GRID2: variants seen among roughly 807,000 people sequenced by gnomAD.
GRID2 encodes the protein glutamate ionotropic receptor delta type subunit 2.
GRID2 carries 33 observed loss-of-function variants against 114.8 expected under a neutral mutation model. The observed-to-expected ratio is 0.29, with a 90% CI of 0.22 to 0.38. The LOEUF is 0.38. Among genes scored for constraint, GRID2 ranks in the 10% least tolerant of loss-of-function variants. The pLI, the probability that GRID2 is intolerant of heterozygous loss-of-function variation, is 1.00. For synonymous variants in GRID2, 505 were observed against 449.9 expected, an observed-to-expected ratio of 1.12 and a Z score of -1.55; for missense variants, 1,184 against 1,257.7, an observed-to-expected ratio of 0.94 and a Z score of 0.89.
At chr4:92,949,057 A>G (rs2149131208) in intron 2 of GRID2, among the ~76,000 whole-genome samples, 1 of 151,872 alleles carries the variant, frequency 6.6e-6, no homozygotes, top group Non-Finnish European at 1.5e-5. Flanking sequence ...TATCAGTCCT[A>G]TAAGCATGTA....
intron 1 of GRID2, among the ~76,000 whole-genome samples, chr4:92,423,213 A>G (rs1299898427): frequency 6.6e-6 from 1 of 152,202 alleles, no homozygotes; most frequent in Non-Finnish European, 1.5e-5. Context: ...AGGTAGAGCT[A>G]TATAGTAAGA....
intron 8 of GRID2, among the ~76,000 whole-genome samples, chr4:93,270,642 T>G (rs78424659): frequency 0.11 from 16,918 of 152,014 alleles, 1,937 homozygotes; most frequent in East Asian, 0.28. Context: ...GTTTTGTTTT[T>G]TTTTGAGGTG....
intron 13 of GRID2, among the ~76,000 whole-genome samples, chr4:93,550,997 A>G (rs1036029931): frequency 6.6e-6 from 1 of 152,178 alleles, no homozygotes; most frequent in Non-Finnish European, 1.5e-5. Context: ...ACTACTATTT[A>G]CTAGTCTGTG....
chr4:92,612,070 A>AT (rs201411256), intron 2 of GRID2, among the ~76,000 whole-genome samples: 1 of 150,912 alleles, frequency 6.6e-6, no homozygotes, highest in Non-Finnish European at 1.5e-5. Flanking sequence ...GGTCATTAAG[A>AT]TTTTTTTTCA....
intron 2 of GRID2, among the ~76,000 whole-genome samples, chr4:93,030,816 G>A (rs1201841195): frequency 6.6e-6 from 1 of 151,854 alleles, no homozygotes; most frequent in African/African-American, 2.4e-5. Flanking sequence ...GACAGAGGAA[G>A]GGGATGAGAC....
At chr4:93,704,350 T>A (rs552392712) in intron 14 of GRID2, among the ~76,000 whole-genome samples, 22 of 152,296 alleles carry the variant, frequency 1.4e-4, no homozygotes, top group South Asian at 1.0e-3. Context: ...GTTGTTTGTT[T>A]TTTTCTTGTA....
At chr4:92,824,833 A>G (rs947539854) in intron 2 of GRID2, among the ~76,000 whole-genome samples, 2 of 152,168 alleles carry the variant, frequency 1.3e-5, no homozygotes, top group Admixed American at 1.3e-4. Context: ...AGGAAAACCC[A>G]TGAAGTGCTC....
intron 13 of GRID2, among the ~76,000 whole-genome samples, chr4:93,572,965 T>C (rs188238125): frequency 1.4e-4 from 21 of 152,124 alleles, no homozygotes; most frequent in African/African-American, 5.1e-4. Flanking sequence ...ATATAAGTAG[T>C]ACATCATTTC....
intron 13 of GRID2, among the ~76,000 whole-genome samples, chr4:93,548,366 C>T (rs551926792): frequency 2.4e-4 from 36 of 152,248 alleles, no homozygotes; most frequent in Admixed American, 3.9e-4. Context: ...ACGGAAATAG[C>T]ACCGGACAGG....
chr4:93,603,420 A>T (rs1739898734), intron 13 of GRID2, among the ~76,000 whole-genome samples: 1 of 152,154 alleles, frequency 6.6e-6, no homozygotes, highest in South Asian at 2.1e-4. Context: ...AATTTAGAAG[A>T]TAAGAGCTTG....
chr4:92,936,247 G>C (rs1317644390), intron 2 of GRID2, among the ~76,000 whole-genome samples: 1 of 146,040 alleles, frequency 6.8e-6, no homozygotes, highest in Non-Finnish European at 1.5e-5. Flanking sequence ...TTGACTAATA[G>C]TTCAATTAAT....
At chr4:93,414,706 T>TATATATA (rs1560595949) in intron 9 of GRID2, among the ~76,000 whole-genome samples, 1 of 149,616 alleles carries the variant, frequency 6.7e-6, no homozygotes, top group African/African-American at 2.5e-5. Flanking sequence ...TATATATATA[T>TATATATA]TTCCTTTTTT....
chr4:92,711,728 C>A (rs954323442), intron 2 of GRID2, among the ~76,000 whole-genome samples: 52 of 152,152 alleles, frequency 3.4e-4, no homozygotes, highest in African/African-American at 1.2e-3. Context: ...CATAGTAAAA[C>A]TCTGTCTTTA....
intron 8 of GRID2, among the ~76,000 whole-genome samples, chr4:93,333,872 TA>T (rs11326600): frequency 0.25 from 38,429 of 151,192 alleles, 8,159 homozygotes; most frequent in African/African-American, 0.58. Context: ...AAGGAGAACC[TA>T]AAAAAAAATG....
At chr4:92,442,698 C>A (rs560600800) in intron 1 of GRID2, among the ~76,000 whole-genome samples, 3 of 151,708 alleles carry the variant, frequency 2.0e-5, no homozygotes, top group African/African-American at 4.9e-5. Flanking sequence ...GCCTTTTGAC[C>A]TTTTAGGGTC....
At chr4:93,497,102 G>A (rs1414131101) in intron 12 of GRID2, among the ~76,000 whole-genome samples, 1 of 151,358 alleles carries the variant, frequency 6.6e-6, no homozygotes, top group Non-Finnish European at 1.5e-5. Context: ...TCTCATTGTG[G>A]TTTTAATTTC....
chr4:92,481,767 G>A (rs889092114), intron 1 of GRID2, among the ~76,000 whole-genome samples: 9 of 151,472 alleles, frequency 5.9e-5, no homozygotes, highest in African/African-American at 2.2e-4. Flanking sequence ...CATAAGAATA[G>A]CACAGAATCT....
At chr4:93,030,507 C>A (rs1724308851) in intron 2 of GRID2, among the ~76,000 whole-genome samples, 1 of 151,884 alleles carries the variant, frequency 6.6e-6, no homozygotes, top group Admixed American at 6.6e-5. Flanking sequence ...GCCCCAGCCT[C>A]TGGAGTAGCA....
chr4:93,788,703 T>C (rs140844708), intron 1 of GRID2, among the ~76,000 whole-genome samples: 126 of 152,312 alleles, frequency 8.3e-4, no homozygotes, highest in African/African-American at 2.9e-3. Flanking sequence ...GTAATTAATC[T>C]AAGGGTCTCC....
Sources: allele counts gnomAD v4.1 joint callset (sites outside exome capture counted in the v4.1 genomes callset), GRCh38; gene constraint gnomAD v4.1.1; transcripts MANE v1.5; gene names NCBI Gene and HGNC (gene_info 2026-07-23, HGNC 2026-07-21).